The following NEB variants were observed in gnomAD, a reference collection of about 807,000 sequenced individuals.
The protein encoded by NEB is nebulin, also known as nemaline myopathy type 2.
NEB carries 512 observed loss-of-function variants against 952.2 expected under a neutral mutation model. That is an observed-to-expected ratio of 0.54 (90% CI 0.50 to 0.58). The LOEUF (loss-of-function observed/expected upper bound fraction) is 0.58, where lower values mean the gene tolerates loss of function less well. Among genes scored for constraint, NEB ranks in the 20% least tolerant of loss-of-function variants. NEB has a pLI of 0.00. For synonymous variants in NEB, 2,900 were observed against 3,149.8 expected (o/e 0.92, Z 2.66); for missense variants, 8,428 against 9,231.1 (o/e 0.91, Z 3.56).
Position 151,679,698 on chromosome 2 carries a change from T to C in NEB, c.3255+23A>G, listed in dbSNP as rs200059745. Reference sequence around the variant, plus strand: ...CCCACCCACATTTTCTAGTTGCCCATGTATGACCACAGCTGGACTTACGTC... The same window carrying C: ...CCCACCCACATTTTCTAGTTGCCCACGTATGACCACAGCTGGACTTACGTC... On this transcript the variant is annotated intron_variant, in intron 32 of 181. Coordinates refer to ENST00000397345, the MANE Select transcript of NEB (RefSeq NM_001164508.2). The C allele has an allele frequency of 2.2e-4, 143 of 657,216 alleles. No homozygotes were observed. The African/African-American group carries it at 2.5e-3, about 11-fold the overall frequency. 40.7% of individuals were successfully genotyped at this position (657,216 alleles called of 1,614,324 possible).
At chr2:151,548,534 G>T in intron 130 of NEB, 119 bp from the exon 131 acceptor site, 1 of 699,974 alleles carries the variant, frequency 1.4e-6, no homozygotes. Flanking sequence ...TAAGGATTAA[G>T]TATGTAGAAA....
Position 151,627,528 on chromosome 2 carries a change from T to G in NEB, c.10138A>C (p.Ser3380Arg). ...IHARQAYDLQ[S>R]DNIYKSDLQW... The stretch of plus-strand genomic sequence containing the variant: ...CATGGATCTTAATTACTCACATCGC[T>G]CTGGAGGTCATAGGCCTGCCGAGCA... Residue 3380 changes from serine (S) to arginine (R), a missense_variant, in exon 69 of 182, where the codon AGC (serine) becomes CGC (arginine). Ser to Arg is a moderately radical substitution (Grantham distance 110). This residue lies in a region of NEB where 1,772 missense variants were observed against 1,960.3 expected (regional missense o/e 0.90). Coordinates refer to ENST00000397345, the MANE Select transcript of NEB (RefSeq NM_001164508.2). The G allele has an allele frequency of 6.2e-7, 1 of 1,613,786 alleles. No individual in the cohort carries two copies. The highest frequency in any genetic ancestry group is 8.5e-7 in the Non-Finnish European group (1 of 1,179,684).
chr2:151,535,182 G>A (rs1433610250), intron 142 of NEB, among the ~76,000 whole-genome samples: 1 of 152,200 alleles, frequency 6.6e-6, no homozygotes, highest in African/African-American at 2.4e-5. Context: ...GGGTGCAGAT[G>A]GATACTTCTG....
chr2:151,545,334 G>T (rs2094542788), intron 135 of NEB, among the ~76,000 whole-genome samples: 1 of 151,988 alleles, frequency 6.6e-6, no homozygotes, highest in Non-Finnish European at 1.5e-5. Flanking sequence ...CCAGTACTTT[G>T]GAAGGCTGAG....
intron 37 of NEB, 39 bp from the exon 38 acceptor site, chr2:151,671,268 G>A (rs1219993537): frequency 3.3e-6 from 5 of 1,499,866 alleles, no homozygotes; most frequent in African/African-American, 1.4e-5. Flanking sequence ...ATACCCTGGA[G>A]AATATTCAAG....
rs2054922025 is a variant in NEB, at chr2:151,490,054, CTG to C, written c.25319_25320del (p.Thr8440ArgfsTer36). On this transcript the variant is annotated frameshift_variant, in exon 181 of 182. Coordinates refer to ENST00000397345, the MANE Select transcript of NEB (RefSeq NM_001164508.2). LOFTEE classifies it high-confidence loss of function. The part of the protein sequence containing the change: ...VSTAYKHAKT[T>X]ELPQQRSSSV... Reference sequence around the variant, plus strand: ...GAAGATGATCGTTGTTGTGGGAGCTCTGTGGTTTTTGCATGTTTGTAAGCTGA... The same window carrying C: ...GAAGATGATCGTTGTTGTGGGAGCTCTGGTTTTTGCATGTTTGTAAGCTGA... 1.2e-6 allele frequency: 2 copies of C among 1,610,194 alleles called. No individual in the cohort carries two copies. Among genetic ancestry groups the C allele is most frequent in the Non-Finnish European group, 1.7e-6 (2 of 1,178,724 alleles).
At chr2:151,712,595 G>A (rs2099748267) in intron 10 of NEB, among the ~76,000 whole-genome samples, 1 of 152,128 alleles carries the variant, frequency 6.6e-6, no homozygotes, top group South Asian at 2.1e-4. Flanking sequence ...GCACTGCCAA[G>A]TCTGGGAAGA....
intron 162 of NEB, chr2:151,507,761 G>A: frequency 2.2e-6 from 1 of 450,360 alleles, no homozygotes; most frequent in Non-Finnish European, 4.0e-6. Flanking sequence ...CATGGGTGAG[G>A]AAAAGATACT....
At chr2:151,491,487 C>G (rs2056600273) in intron 179 of NEB, 196 bp downstream of exon 179, 1 of 478,766 alleles carries the variant, frequency 2.1e-6, no homozygotes, top group African/African-American at 2.0e-5. Context: ...GGCAGTGAAA[C>G]AAAATTTTTT....
At chr2:151,652,818 T>C (rs536678090) in intron 52 of NEB, among the ~76,000 whole-genome samples, 1 of 152,318 alleles carries the variant, frequency 6.6e-6, no homozygotes, top group South Asian at 2.1e-4. Flanking sequence ...CAAAAAGAAA[T>C]GAGGTACTAT....
At chr2:151,678,869 G>A (rs1429178499) in intron 32 of NEB, among the ~76,000 whole-genome samples, 1 of 152,042 alleles carries the variant, frequency 6.6e-6, no homozygotes, top group Non-Finnish European at 1.5e-5. Flanking sequence ...GGTGGGACAG[G>A]GGCATTTCAG....
rs1454897549 is a variant in NEB, at chr2:151,538,223, G to T, written c.20914C>A (p.Gln6972Lys). The change falls in exon 139 of 182, where the codon CAA becomes AAA. Residue 6972 changes from glutamine (Q) to lysine (K), a missense_variant. Gln to Lys is a moderately conservative substitution (Grantham distance 53, BLOSUM62 1). Around this residue, in one of 11 missense-constraint regions of NEB, gnomAD observed 3,374 missense variants for 3,651.5 expected, o/e 0.92. Coordinates refer to ENST00000397345, the MANE Select transcript of NEB (RefSeq NM_001164508.2). Reference sequence around the variant, plus strand: ...GTGTGGTATTTCCCTTTGGTCTTTTGAAATGTTTCTTTGTAGCGTAGCTAG... The same window carrying T: ...GTGTGGTATTTCCCTTTGGTCTTTTTAAATGTTTCTTTGTAGCGTAGCTAG... ...ASDLRYKETF[Q>K]KTKGKYHTVK... The T allele has an allele frequency of 6.2e-7, 1 of 1,612,498 alleles. No individual in the cohort carries two copies. Among genetic ancestry groups the T allele is most frequent in the South Asian group, 1.1e-5 (1 of 91,022 alleles).
intron 51 of NEB, 37 bp from the exon 52 acceptor site, chr2:151,654,136 T>C (rs766337328): frequency 1.5e-6 from 2 of 1,351,442 alleles, no homozygotes; most frequent in African/African-American, 1.5e-5. Context: ...TTATTCTGTC[T>C]ATATAAAGAA....
Position 151,485,543 on chromosome 2 carries a change from ACT to A in NEB, c.*215_*216del, listed in dbSNP as rs370629876. 24 of 411,026 alleles carry A rather than the reference ACT, an allele frequency of 5.8e-5. No individual in the cohort carries two copies. In the East Asian group the frequency reaches 6.0e-4, roughly 10 times the overall value. The allele number at this position is 411,026 out of a possible 1,614,324, so 25.5% of individuals were successfully genotyped here. A position where few individuals can be genotyped will look rare whatever the true frequency, so the allele number is the denominator to read the frequency against. On this transcript the variant is annotated 3_prime_UTR_variant, in exon 182 of 182. Coordinates refer to ENST00000397345, the MANE Select transcript of NEB (RefSeq NM_001164508.2). ...TAAAACATGTTTATAATGGAGAAAG[ACT>A]CTAGGCACAGAAATAATATTGCAGA...
chr2:151,561,332 T>A lies in NEB; in HGVS notation c.18997-20A>T. ...TTGTAGCTGTGAAGAAAAACAAAAG[T>A]CATCAAAAATGGTAACATACAGGTC... On this transcript the variant is annotated intron_variant, in intron 121 of 181. Coordinates refer to ENST00000397345, the MANE Select transcript of NEB (RefSeq NM_001164508.2). 6.5e-7 allele frequency: 1 copy of A among 1,529,596 alleles called. No individual in the cohort carries two copies. The allele number at this position is 1,529,596 out of a possible 1,614,324, so 94.8% of individuals were successfully genotyped here. A position where few individuals can be genotyped will look rare whatever the true frequency, so the allele number is the denominator to read the frequency against.
At chr2:151,662,059 AACCTGTGGATTAAATGTAAATTAT>A in intron 46 of NEB, 52 bp downstream of exon 46, 1 of 1,340,598 alleles carries the variant, frequency 7.5e-7, no homozygotes, top group East Asian at 2.4e-5. Context: ...GTATTAGCAA[AACCTGTGGATTAAATGTAAATTAT>A]ACCTGGATTC....
At chr2:151,605,928 G>A (rs1291626268) in intron 84 of NEB, among the ~76,000 whole-genome samples, 7 of 102,504 alleles carry the variant, frequency 6.8e-5, no homozygotes, top group African/African-American at 1.8e-4. Context: ...TCAGACTCCT[G>A]AGTAGCTGGG....
intron 128 of NEB, 106 bp from the exon 129 acceptor site, chr2:151,551,951 G>A (rs2153649034): frequency 2.7e-6 from 2 of 738,542 alleles, no homozygotes; most frequent in South Asian, 1.7e-5. Context: ...GAACTCATCT[G>A]ACACATTACT....
At chr2:151,656,841 G>GA (rs2099090508) in intron 48 of NEB, among the ~76,000 whole-genome samples, 1 of 133,280 alleles carries the variant, frequency 7.5e-6, no homozygotes, top group Non-Finnish European at 1.5e-5. Context: ...AAAGAACACA[G>GA]AAGATGAAAA....
Sources: gnomAD v4.1 joint callset for allele counts (sites outside exome capture counted in the v4.1 genomes callset) on GRCh38, gnomAD v4.1.1 for gene constraint, gnomAD v4.1.1 regional missense constraint, MANE v1.5 for transcripts, NCBI Gene and HGNC (gene_info 2026-07-23, HGNC 2026-07-21) for gene names.